Variants in TRMT44 observed in about 807,000 individuals in gnomAD.
The protein encoded by TRMT44 is probable tRNA (uracil-O(2)-)-methyltransferase.
Under a neutral mutation model 77.3 loss-of-function variants are expected in TRMT44, and 78 were observed. That is an observed-to-expected ratio of 1.01 (90% CI 0.84 to 1.22). The LOEUF is 1.22. TRMT44 is among the 50% of genes most tolerant of loss of function. TRMT44 has a pLI of 0.00. For missense variants in TRMT44, 1,090 were observed against 964.4 expected, an observed-to-expected ratio of 1.13 and a Z score of -1.73; for synonymous variants, 391 against 383.3, an observed-to-expected ratio of 1.02 and a Z score of -0.23.
the TRMT44 span, among the ~76,000 whole-genome samples, chr4:8,499,882 T>A: frequency 6.8e-6 from 1 of 146,704 alleles, no homozygotes; most frequent in African/African-American, 2.6e-5. Flanking sequence ...GTTTACTATA[T>A]AACAAACCTG....
In TRMT44 at chr4:8,468,084, C is replaced by G. The variant is rs74762812; in HGVS notation, c.1665C>G (p.Asp555Glu). The G allele has an allele frequency of 1.2e-6, 2 of 1,613,926 alleles. No individual in the cohort carries two copies. The highest frequency in any genetic ancestry group is 2.2e-5 in the South Asian group (2 of 91,078). The change falls in exon 9 of 11, where the codon GAC (aspartate) becomes GAG (glutamate). Residue 555 changes from aspartate to glutamate, a missense_variant. By Grantham distance (45) the Asp-to-Glu change is conservative (BLOSUM62 2). Coordinates refer to ENST00000389737, the MANE Select transcript of TRMT44 (RefSeq NM_152544.3). Reference protein sequence around the residue: ...WVAAGSAGHCDGQQALDARVG... With the variant: ...WVAAGSAGHCEGQQALDARVG... ...CTGCTGGCAGTGCTGGTCACTGTGA[C>G]GGTCAGCAAGCTCTGGACGCCAGGG... is the stretch of plus-strand genomic sequence containing the variant.
Position 8,463,571 on chromosome 4 carries a change from G to A in TRMT44, c.1204-414G>A, listed in dbSNP as rs185281342. On this transcript the variant is annotated intron_variant, in intron 6 of 10. Transcript: ENST00000389737. ...AGGTTAGACCCCTGTGTTGTATTAC[G>A]CCCTTAAATCACCTTCAGACCTCTC... Among the ~76,000 whole-genome samples, 19 of 152,240 alleles carry A rather than the reference G, an allele frequency of 1.2e-4. No homozygotes were observed. In the East Asian group the frequency reaches 2.7e-3, roughly 22 times the overall value.
downstream of TRMT44, chr4:8,477,896 C>T (rs1727469545): frequency 6.5e-6 from 1 of 152,788 alleles, no homozygotes; most frequent in African/African-American, 2.4e-5. Context: ...GAGCCTGGCC[C>T]AGAAGACCAG....
intron 2 of TRMT44, among the ~76,000 whole-genome samples, chr4:8,490,643 G>A (rs538858160): frequency 8.7e-4 from 133 of 152,248 alleles, no homozygotes; most frequent in Non-Finnish European, 1.6e-3. Context: ...AGACCTTCGC[G>A]GTGAGTGTTA....
intron 2 of TRMT44, among the ~76,000 whole-genome samples, chr4:8,482,657 C>G (rs771296107): frequency 1.3e-5 from 2 of 152,112 alleles, no homozygotes; most frequent in African/African-American, 4.8e-5. Context: ...AGGACTTTCA[C>G]AAGGTAATGT....
In TRMT44 at chr4:8,468,083, A is replaced by C; in HGVS notation, c.1664A>C (p.Asp555Ala). The change falls in exon 9 of 11, where the codon GAC becomes GCC. Residue 555 changes from aspartate (D) to alanine (A), a missense_variant. By Grantham distance (126) the Asp-to-Ala change is moderately radical. Transcript: ENST00000389737. ...WVAAGSAGHC[D>A]GQQALDARVG... ...GCTGCTGGCAGTGCTGGTCACTGTG[A>C]CGGTCAGCAAGCTCTGGACGCCAGG... 6.2e-7 allele frequency: 1 copy of C among 1,613,964 alleles called. No homozygotes were observed. The highest frequency in any genetic ancestry group is 8.5e-7 in the Non-Finnish European group (1 of 1,180,042).
downstream of TRMT44, chr4:8,479,230 C>T (rs1727535834): frequency 1.3e-5 from 2 of 148,172 alleles, no homozygotes; most frequent in African/African-American, 5.0e-5. Flanking sequence ...CAGCTCATTT[C>T]TGCTTGACCT....
At chr4:8,462,366 G>A (rs1297425705) in intron 6 of TRMT44, among the ~76,000 whole-genome samples, 1 of 151,324 alleles carries the variant, frequency 6.6e-6, no homozygotes, top group Non-Finnish European at 1.5e-5. Context: ...AGCCGAGATC[G>A]CACCACTGCA....
chr4:8,516,305 C>G, the TRMT44 span, among the ~76,000 whole-genome samples: 1 of 152,170 alleles, frequency 6.6e-6, no homozygotes, highest in Non-Finnish European at 1.5e-5. Context: ...CCCTGAGATA[C>G]CCCTTCAGGC....
chr4:8,456,632 A>G (rs989580286), intron 6 of TRMT44, among the ~76,000 whole-genome samples: 1 of 152,198 alleles, frequency 6.6e-6, no homozygotes, highest in East Asian at 1.9e-4. Flanking sequence ...TCTCATATTT[A>G]GAATGCAGCT....
chr4:8,472,205 A>G (rs1002837637), intron 10 of TRMT44, among the ~76,000 whole-genome samples: 2 of 152,120 alleles, frequency 1.3e-5, no homozygotes, highest in Non-Finnish European at 2.9e-5. Context: ...TGGGCTCAGG[A>G]GGGCTTTACT....
chr4:8,470,245 C>T (rs987488309), intron 9 of TRMT44, among the ~76,000 whole-genome samples: 2 of 152,130 alleles, frequency 1.3e-5, no homozygotes, highest in South Asian at 2.1e-4. Context: ...GCAGGATTCT[C>T]GCAGCAGCTG....
At chr4:8,460,694 C>G (rs1265511652) in intron 6 of TRMT44, among the ~76,000 whole-genome samples, 2 of 151,934 alleles carry the variant, frequency 1.3e-5, no homozygotes, top group African/African-American at 4.8e-5. Flanking sequence ...GCTAGGACCA[C>G]AGGCGCGCAC....
chr4:8,449,780 T>C lies in TRMT44; in HGVS notation c.846T>C (p.Ser282=), dbSNP rs1409237466. The C allele has an allele frequency of 2.6e-6, 4 of 1,535,934 alleles. No individual in the cohort carries two copies. The highest frequency in any genetic ancestry group is 2.0e-5 in the Admixed American group (1 of 50,980). ...TGCTGGCCAAGTTGGCCAAGTGGTC[T>C]GTAGAGAACAAGAAGAGTGACTTTA... The part of the protein sequence containing the change: ...EELLAKLAKW[S]VENKKSDFKS... The change falls in exon 3 of 11, where the codon TCT becomes TCC. Residue 282 remains serine, a synonymous_variant. Coordinates refer to ENST00000389737, the MANE Select transcript of TRMT44 (RefSeq NM_152544.3).
downstream of TRMT44, chr4:8,477,459 G>T (rs959842954): frequency 3.3e-5 from 5 of 152,306 alleles, no homozygotes; most frequent in African/African-American, 9.6e-5. Flanking sequence ...AGCAGCTGCA[G>T]CTCTGACTAG....
downstream of TRMT44, chr4:8,478,933 A>G (rs1727521029): frequency 6.6e-6 from 1 of 152,136 alleles, no homozygotes; most frequent in Admixed American, 6.6e-5. Flanking sequence ...TACCATGGTG[A>G]CCGCAGCCCC....
intron 10 of TRMT44, among the ~76,000 whole-genome samples, chr4:8,471,570 G>A (rs927159156): frequency 6.6e-6 from 1 of 152,246 alleles, no homozygotes; most frequent in African/African-American, 2.4e-5. Flanking sequence ...TTTAGCTGCT[G>A]CAAACTGAAA....
intron 1 of TRMT44, among the ~76,000 whole-genome samples, chr4:8,443,429 A>G (rs564691117): frequency 6.6e-6 from 1 of 152,326 alleles, no homozygotes; most frequent in African/African-American, 2.4e-5. Flanking sequence ...GAGGACTTGT[A>G]TCCTCCATGG....
At chr4:8,486,370 G>T (rs1340626591) in intron 2 of TRMT44, among the ~76,000 whole-genome samples, 1 of 152,188 alleles carries the variant, frequency 6.6e-6, no homozygotes, top group African/African-American at 2.4e-5. Flanking sequence ...TGCAACTCAG[G>T]AATATGTTGC....
Sources: allele counts gnomAD v4.1 joint callset (sites outside exome capture counted in the v4.1 genomes callset), GRCh38; gene constraint gnomAD v4.1.1; transcripts MANE v1.5; gene names NCBI Gene and HGNC (gene_info 2026-07-23, HGNC 2026-07-21).